GRHL3: variants seen among roughly 807,000 people sequenced by gnomAD.
GRHL3 encodes the protein grainyhead-like protein 3 homolog.
Under a neutral mutation model 70.3 loss-of-function variants are expected in GRHL3, and 20 were observed. The ratio of observed to expected loss-of-function variants is 0.28; its 90% CI spans 0.20 to 0.41. GRHL3 has a LOEUF of 0.41. GRHL3 is among the 10% of genes least tolerant of loss of function. The pLI is 1.00. For synonymous variants in GRHL3, 299 were observed against 299.9 expected (o/e 1.00, Z 0.03); for missense variants, 637 against 762.3 (o/e 0.84, Z 1.94).
intron 1 of GRHL3, among the ~76,000 whole-genome samples, chr1:24,323,474 A>G (rs1639282344): frequency 1.3e-5 from 2 of 152,216 alleles, no homozygotes; most frequent in Non-Finnish European, 1.5e-5. Context: ...ACTGACCTGC[A>G]GTGTAGTTGC....
chr1:24,343,358 G>A (rs765615772), intron 11 of GRHL3: 4 of 292,716 alleles, frequency 1.4e-5, no homozygotes, highest in African/African-American at 2.1e-5. Context: ...CTCACTGTGT[G>A]CCAGGTGCGG....
In GRHL3 at chr1:24,319,386, C is replaced by A; in HGVS notation, c.-166C>A. ...GCCGGCACCTGTACCTGTAGCCAAT[C>A]AGCGCCAGCGCTGCTGGGAACCTAC... is the stretch of plus-strand genomic sequence containing the variant. On this transcript the variant is annotated 5_prime_UTR_variant, in exon 1 of 16. Coordinates refer to ENST00000361548, the MANE Select transcript of GRHL3 (RefSeq NM_198173.3). 1 of 745,268 alleles carries A rather than the reference C, an allele frequency of 1.3e-6. No individual in the cohort carries two copies. The highest frequency in any genetic ancestry group is 1.5e-5 in the South Asian group (1 of 66,594). 46.2% of individuals were successfully genotyped at this position (745,268 alleles called of 1,614,324 possible).
intron 8 of GRHL3, among the ~76,000 whole-genome samples, chr1:24,340,909 C>A (rs1242369345): frequency 6.6e-6 from 1 of 152,024 alleles, no homozygotes; most frequent in African/African-American, 2.4e-5. Flanking sequence ...GCCTTTTAAG[C>A]CCCCAGGCTT....
At chr1:24,358,276 G>A, downstream of GRHL3, 1 of 649,478 alleles carries the variant, frequency 1.5e-6, no homozygotes, top group South Asian at 1.5e-5. Context: ...TGGGGAAGCA[G>A]CCAGGGGGCT....
At chr1:24,349,595 C>G (rs958704781) in intron 14 of GRHL3, among the ~76,000 whole-genome samples, 6 of 152,240 alleles carry the variant, frequency 3.9e-5, no homozygotes, top group African/African-American at 1.4e-4. Flanking sequence ...CCTGTCTCCA[C>G]AGGTAGCTTG....
intron 3 of GRHL3, among the ~76,000 whole-genome samples, chr1:24,335,584 ATT>A (rs11382769): frequency 7.0e-6 from 1 of 142,860 alleles, no homozygotes. Flanking sequence ...CTCAAAACTA[ATT>A]TTTTTTTTTT....
intron 1 of GRHL3, among the ~76,000 whole-genome samples, chr1:24,320,675 A>G (rs1639147755): frequency 1.3e-5 from 2 of 152,194 alleles, no homozygotes; most frequent in African/African-American, 4.8e-5. Flanking sequence ...ACCGGATTCT[A>G]TGTTCTAGCT....
At position 24,346,576 on chromosome 1, in the gene GRHL3, C is replaced by T. The variant is rs752049192; in HGVS notation, c.1478C>T (p.Ser493Leu). The T allele has an allele frequency of 1.1e-5, 17 of 1,613,112 alleles. No homozygotes were observed. Among genetic ancestry groups the T allele is most frequent in the South Asian group, 7.7e-5 (7 of 91,042 alleles). Residue 493 changes from serine (S) to leucine (L), a missense_variant, in exon 13 of 16, where the codon TCG (serine) becomes TTG (leucine). Physicochemically the swap from Ser to Leu is moderately radical, Grantham distance 145. This residue lies in a region of GRHL3 where 387 missense variants were observed against 513.8 expected (regional missense o/e 0.75). Transcript: ENST00000361548. ...SNRLPLKRTC[S>L]PFTEEFEPLP... ...AGGCTGCCTCTGAAGCGTACCTGCT[C>T]GCCCTTCACTGAGGAGTTTGAGCCT...
At chr1:24,355,898 C>CTTT (rs59310312), downstream of GRHL3, among the ~76,000 whole-genome samples, 1 of 144,718 alleles carries the variant, frequency 6.9e-6, no homozygotes, top group Non-Finnish European at 1.5e-5. Context: ...TTTCATTTAT[C>CTTT]TTTTTTTTTT....
rs1557703658 is a variant in GRHL3 at position 24,346,548 on chromosome 1, CA to C, written c.1455-4del. ...TCACAAGCTCCCCCACTGCCATCCC[CA>C]CAGGCTGCCTCTGAAGCGTACCTGC... is the stretch of plus-strand genomic sequence containing the variant. On this transcript the variant is annotated splice_region_variant and splice_polypyrimidine_tract_variant and intron_variant, in intron 12 of 15. Transcript: ENST00000361548. The C allele has an allele frequency of 1.2e-6, 2 of 1,609,094 alleles. No individual in the cohort carries two copies. The highest frequency in any genetic ancestry group is 1.7e-6 in the Non-Finnish European group (2 of 1,176,182).
intron 8 of GRHL3, among the ~76,000 whole-genome samples, chr1:24,340,890 T>C (rs1316697152): frequency 6.6e-6 from 1 of 152,102 alleles, no homozygotes; most frequent in Non-Finnish European, 1.5e-5. Flanking sequence ...CGGTGGGGAT[T>C]TTCTCACAGC....
chr1:24,338,549 A>C (rs1639916258), intron 7 of GRHL3, among the ~76,000 whole-genome samples: 1 of 152,224 alleles, frequency 6.6e-6, no homozygotes, highest in African/African-American at 2.4e-5. Context: ...CCCGCCCTCA[A>C]GTCTTCAGCT....
At chr1:24,356,386 CCCA>C (rs1447307283), downstream of GRHL3, among the ~76,000 whole-genome samples, 6 of 152,058 alleles carry the variant, frequency 3.9e-5, no homozygotes, top group Non-Finnish European at 8.8e-5. Flanking sequence ...ATTACACGTG[CCCA>C]CCACCATGCC....
At chr1:24,339,644 CCTT>C (rs776846532) in intron 7 of GRHL3, 21 bp from the exon 8 acceptor site, 9 of 1,559,340 alleles carry the variant, frequency 5.8e-6, no homozygotes, top group Non-Finnish European at 7.9e-6. Context: ...TCCTGATTCT[CCTT>C]CTGGTCTCCT....
At chr1:24,349,502 G>A (rs1021276035) in intron 14 of GRHL3, among the ~76,000 whole-genome samples, 1 of 152,222 alleles carries the variant, frequency 6.6e-6, no homozygotes, top group African/African-American at 2.4e-5. Flanking sequence ...TCAGGGCTCA[G>A]TACGCGCCAG....
chr1:24,336,348 A>AT (rs1289319662), intron 3 of GRHL3, 134 bp from the exon 4 acceptor site: 1 of 609,006 alleles, frequency 1.6e-6, no homozygotes, highest in African/African-American at 1.9e-5. Context: ...ACAGTGTCTT[A>AT]TTTCGTGCAT....
intron 15 of GRHL3, among the ~76,000 whole-genome samples, chr1:24,363,631 C>T (rs1341191417): frequency 6.6e-6 from 1 of 152,200 alleles, no homozygotes; most frequent in Admixed American, 6.5e-5. Context: ...TTGTGCTTTA[C>T]TTGTAACATT....
rs746623490 is a variant in GRHL3 at position 24,342,807 on chromosome 1, T to C, written c.1285+35T>C. 1.9e-6 allele frequency: 3 copies of C among 1,613,712 alleles called. No homozygotes were observed. The East Asian group carries it at 6.7e-5, about 36-fold the overall frequency. On this transcript the variant is annotated intron_variant, in intron 10 of 15. Coordinates refer to ENST00000361548, the MANE Select transcript of GRHL3 (RefSeq NM_198173.3). The surrounding 1 kb of genome is among the most constrained non-coding windows in gnomAD (Gnocchi z 4.8). Reference sequence around the variant, plus strand: ...GATCCAGGGCCTGGGTGGGCTCGGCTGGCGTGAAGGGGAGAAGGAGACCAG... The same window carrying C: ...GATCCAGGGCCTGGGTGGGCTCGGCCGGCGTGAAGGGGAGAAGGAGACCAG...
At chr1:24,324,302 C>A (rs1639310823) in intron 1 of GRHL3, among the ~76,000 whole-genome samples, 1 of 151,974 alleles carries the variant, frequency 6.6e-6, no homozygotes, top group African/African-American at 2.4e-5. Context: ...GCAGCCTGAC[C>A]ACCGTCAACT....
Sources: gnomAD v4.1 joint callset for allele counts (sites outside exome capture counted in the v4.1 genomes callset) on GRCh38, gnomAD v4.1.1 for gene constraint, gnomAD v4.1.1 regional missense constraint, Gnocchi (gnomAD v3.1) non-coding constraint, MANE v1.5 for transcripts, NCBI Gene and HGNC (gene_info 2026-07-23, HGNC 2026-07-21) for gene names.